PTPRS: variants seen among roughly 807,000 people sequenced by gnomAD.
The protein encoded by PTPRS is receptor-type tyrosine-protein phosphatase S.
PTPRS carries 63 observed loss-of-function variants against 215.3 expected under a neutral mutation model. That is an observed-to-expected ratio of 0.29 (90% CI 0.24 to 0.36). PTPRS has a LOEUF of 0.36. Ranked by LOEUF, PTPRS falls within the 10% of genes least tolerant of loss-of-function variation. PTPRS has a pLI of 1.00. For synonymous variants in PTPRS, 1,404 were observed against 1,191.4 expected (o/e 1.18, Z -3.68); for missense variants, 2,258 against 2,825.8 (o/e 0.80, Z 4.56).
chr19:5,271,217 G>A (rs1482954674), intron 4 of PTPRS, among the ~76,000 whole-genome samples: 1 of 152,136 alleles, frequency 6.6e-6, no homozygotes, highest in African/African-American at 2.4e-5. Flanking sequence ...CTCACCTGAG[G>A]GCTGCAGAAG....
At chr19:5,277,216 C>A (rs960147567) in intron 2 of PTPRS, among the ~76,000 whole-genome samples, 2 of 151,998 alleles carry the variant, frequency 1.3e-5, no homozygotes, top group African/African-American at 4.8e-5. Context: ...CCCACAGCCA[C>A]GCCTGGCTAA....
intron 5 of PTPRS, 95 bp from the exon 6 acceptor site, chr19:5,263,067 G>A: frequency 7.4e-6 from 5 of 675,968 alleles, no homozygotes; most frequent in South Asian, 3.1e-5. Flanking sequence ...GGGGAGGGCG[G>A]GGGAGGGGAG....
chr19:5,315,351 G>GTTTT lies in PTPRS; in HGVS notation c.-95+25309_-95+25312dup, dbSNP rs952833168. On this transcript the variant is annotated intron_variant, in intron 1 of 37. Transcript: ENST00000262963. ...CATGGAGAATTTTTATTTGAAAAGG[G>GTTTT]TTTTTTTTTTTTTTTTTTTTTTTTT... Among the ~76,000 whole-genome samples the GTTTT allele has an allele frequency of 1.4e-3, 115 of 79,778 alleles. 4 individuals are homozygous for GTTTT. The highest frequency in any genetic ancestry group is 2.4e-3 in the East Asian group (6 of 2,478). The allele number at this position is 79,778 out of a possible 152,430, so 52.3% of individuals were successfully genotyped here.
chr19:5,290,986 G>A (rs142561222), intron 1 of PTPRS, among the ~76,000 whole-genome samples: 2 of 152,180 alleles, frequency 1.3e-5, no homozygotes, highest in East Asian at 3.9e-4. Flanking sequence ...GCTCAAGTCA[G>A]CTCTGGCCAA....
At position 5,222,235 on chromosome 19, in the gene PTPRS, G is replaced by A; in HGVS notation, c.3104-15C>T. On this transcript the variant is annotated splice_polypyrimidine_tract_variant and intron_variant, in intron 18 of 37. Coordinates refer to ENST00000262963, the MANE Select transcript of PTPRS (RefSeq NM_002850.4). ...CTTGGGCGAGACTGCCGGGGAGGCG[G>A]CCGAGCAGGGAGAGAGCAGAAGAGA... 1.2e-6 allele frequency: 2 copies of A among 1,603,552 alleles called. No individual in the cohort carries two copies. The highest frequency in any genetic ancestry group is 1.7e-6 in the Non-Finnish European group (2 of 1,171,194).
At chr19:5,220,788 C>A (rs2041911962) in intron 20 of PTPRS, among the ~76,000 whole-genome samples, 1 of 152,114 alleles carries the variant, frequency 6.6e-6, no homozygotes, top group Non-Finnish European at 1.5e-5. Flanking sequence ...TATGGGGTAT[C>A]AGGAAATGCT....
intron 1 of PTPRS, among the ~76,000 whole-genome samples, chr19:5,330,958 G>A (rs944303543): frequency 6.6e-6 from 1 of 151,938 alleles, no homozygotes; most frequent in African/African-American, 2.4e-5. Flanking sequence ...ATAATCAATG[G>A]GGCAGTGGAA....
intron 12 of PTPRS, among the ~76,000 whole-genome samples, chr19:5,239,480 G>T (rs1157159479): frequency 6.6e-6 from 1 of 151,624 alleles, no homozygotes; most frequent in Admixed American, 6.6e-5. Context: ...GACAGAGAGA[G>T]ATACAGAGAC....
At chr19:5,220,951 G>A in intron 20 of PTPRS, 49 bp downstream of exon 20, 1 of 1,561,880 alleles carries the variant, frequency 6.4e-7, no homozygotes. Context: ...CAGCCATATA[G>A]TAGGCTGATG....
rs1391073074 is a variant in PTPRS, at chr19:5,222,751, G to C, written c.3041C>G (p.Thr1014Arg). 1.3e-6 allele frequency: 2 copies of C among 1,598,456 alleles called. No individual in the cohort carries two copies. Among genetic ancestry groups the C allele is most frequent in the East Asian group, 2.2e-5 (1 of 44,728 alleles). Residue 1014 changes from threonine (T) to arginine (R), a missense_variant, in exon 18 of 38, where the codon ACG becomes AGG. Physicochemically the swap from Thr to Arg is moderately conservative, Grantham distance 71. This residue lies in a region of PTPRS where 361 missense variants were observed against 332.6 expected (regional missense o/e 1.09). Coordinates refer to ENST00000262963, the MANE Select transcript of PTPRS (RefSeq NM_002850.4). ...TAYDLQVRAH[T>R]RRGPGPFSPP... is the part of the protein sequence containing the mutation. Reference sequence around the variant, plus strand: ...GCTGAAGGGGCCAGGGCCCCGGCGCGTGTGGGCTCGCACTTGGAGGTCATA... The same window carrying C: ...GCTGAAGGGGCCAGGGCCCCGGCGCCTGTGGGCTCGCACTTGGAGGTCATA...
chr19:5,225,814 T>C lies in PTPRS; in HGVS notation c.2407A>G (p.Thr803Ala). Residue 803 changes from threonine to alanine, a missense_variant, in exon 17 of 38, where the codon ACC becomes GCC. Thr to Ala is a moderately conservative substitution (Grantham distance 58, BLOSUM62 0). Transcript: ENST00000262963. ...GCGGCTACCGTGATGGAGTACGCGG[T>C]CTCAGGCTGCAAGTTTGTGATGACC... ...EMVITNLQPE[T>A]AYSITVAAYT... The C allele has an allele frequency of 6.2e-7, 1 of 1,613,830 alleles. No individual in the cohort carries two copies. The highest frequency in any genetic ancestry group is 2.2e-5 in the East Asian group (1 of 44,842).
At chr19:5,270,271 TTTATC>T (rs1295931314) in intron 4 of PTPRS, among the ~76,000 whole-genome samples, 2 of 151,070 alleles carry the variant, frequency 1.3e-5, no homozygotes, top group African/African-American at 4.9e-5. Context: ...ATAGCGAGCT[TTTATC>T]TTTTCTTCCC....
intron 6 of PTPRS, among the ~76,000 whole-genome samples, chr19:5,262,607 C>T (rs988143653): frequency 1.3e-5 from 2 of 152,180 alleles, no homozygotes; most frequent in African/African-American, 2.4e-5. Context: ...GAAAAAAGTG[C>T]GGGAGGAAAT....
At chr19:5,272,474 T>G (rs1029119776) in intron 4 of PTPRS, among the ~76,000 whole-genome samples, 1 of 151,692 alleles carries the variant, frequency 6.6e-6, no homozygotes, top group Middle Eastern at 3.4e-3. Context: ...GGCATGTGCC[T>G]GTAATCCCAG....
At chr19:5,300,775 A>T (rs904527938) in intron 1 of PTPRS, among the ~76,000 whole-genome samples, 1 of 151,400 alleles carries the variant, frequency 6.6e-6, no homozygotes, top group African/African-American at 2.4e-5. Context: ...CTCAAAAAAA[A>T]AAAAAAAAAA....
At position 5,323,021 on chromosome 19, in the gene PTPRS, G is replaced by A. The variant is rs564597286; in HGVS notation, c.-95+17643C>T. 3.9e-5 allele frequency among the ~76,000 whole-genome samples: 6 copies of A among 152,262 alleles called. No homozygotes were observed. In the South Asian group the frequency reaches 1.2e-3, roughly 32 times the overall value. On this transcript the variant is annotated intron_variant, in intron 1 of 37. Transcript: ENST00000262963. The stretch of plus-strand genomic sequence containing the variant: ...TGGAGCCCTACTGTGTGCAGATGCT[G>A]CCATGGACATGGTAGAGGAGGAGAG...
chr19:5,246,539 G>T (rs2044498767), intron 9 of PTPRS, among the ~76,000 whole-genome samples: 1 of 152,208 alleles, frequency 6.6e-6, no homozygotes, highest in African/African-American at 2.4e-5. Context: ...TCCCCTTCGG[G>T]GAGCGCTGGA....
chr19:5,321,273 A>G (rs901391694), intron 1 of PTPRS, among the ~76,000 whole-genome samples: 16 of 152,310 alleles, frequency 1.1e-4, no homozygotes, highest in African/African-American at 3.6e-4. Context: ...ACCCTGTCTC[A>G]ACAAAGAAAA....
At chr19:5,278,331 A>G (rs1226651400) in intron 2 of PTPRS, among the ~76,000 whole-genome samples, 1 of 151,868 alleles carries the variant, frequency 6.6e-6, no homozygotes, top group Non-Finnish European at 1.5e-5. Context: ...CGATCCTCCC[A>G]ACTCAGCCTC....
Sources: gnomAD v4.1 joint callset for allele counts (sites outside exome capture counted in the v4.1 genomes callset) on GRCh38, gnomAD v4.1.1 for gene constraint, gnomAD v4.1.1 regional missense constraint, MANE v1.5 for transcripts, NCBI Gene and HGNC (gene_info 2026-07-23, HGNC 2026-07-21) for gene names.